The following SHANK2 variants were observed in gnomAD, a reference collection of about 807,000 sequenced individuals.
SHANK2 encodes SH3 and multiple ankyrin repeat domains protein 2.
SHANK2 carries 43 observed loss-of-function variants against 133.7 expected under a neutral mutation model. That is an observed-to-expected ratio of 0.32 (90% CI 0.25 to 0.41). SHANK2 has a LOEUF of 0.41. Ranked by LOEUF, SHANK2 falls within the 10% of genes least tolerant of loss-of-function variation. The pLI is 1.00. For synonymous variants in SHANK2, 1,017 were observed against 952.8 expected (o/e 1.07, Z -1.24); for missense variants, 1,994 against 2,235.8 (o/e 0.89, Z 2.18).
At position 70,568,652 on chromosome 11, in the gene SHANK2, C is replaced by A. The variant is rs1293517037; in HGVS notation, c.2062-65721G>T. The stretch of plus-strand genomic sequence containing the variant: ...ATGTGGGCAGCGGATTCCTGCCCCC[C>A]CCGCCCACTTCCTCCCGGCCGGGAG... On this transcript the variant is annotated intron_variant, in intron 17 of 25. Transcript: ENST00000601538. Among the ~76,000 whole-genome samples the A allele has an allele frequency of 1.6e-5, 2 of 128,542 alleles. 1 individual carries two copies. Among genetic ancestry groups the A allele is most frequent in the Non-Finnish European group, 3.4e-5 (2 of 58,426 alleles). 84.3% of individuals were successfully genotyped at this position (128,542 alleles called of 152,430 possible).
intron 1 of SHANK2, among the ~76,000 whole-genome samples, chr11:71,233,608 G>C (rs1236771642): frequency 1.3e-5 from 2 of 152,152 alleles, no homozygotes; most frequent in Admixed American, 6.5e-5. Flanking sequence ...GTTTTCAAAG[G>C]GTGAATCACA....
At chr11:70,955,340 C>G (rs1351225328) in intron 10 of SHANK2, among the ~76,000 whole-genome samples, 2 of 151,952 alleles carry the variant, frequency 1.3e-5, no homozygotes, top group Admixed American at 1.3e-4. Flanking sequence ...TTTCAGAATG[C>G]AGCTGCTGGG....
rs550359450 is a variant in SHANK2, at chr11:71,091,283, C to A, written c.912+1139G>T. ...ACCCCTACTCATCCCTCGGGAGGAA[C>A]AGGGGCTTCTCCAGGCTGCAGGGCC... On this transcript the variant is annotated intron_variant, in intron 8 of 25. Transcript: ENST00000601538. Among the ~76,000 whole-genome samples, 5 of 152,198 alleles carry A rather than the reference C, an allele frequency of 3.3e-5. No individual in the cohort carries two copies. In the South Asian group the frequency reaches 8.3e-4, roughly 25 times the overall value.
At chr11:70,492,798 T>TG in intron 21 of SHANK2, among the ~76,000 whole-genome samples, 1 of 142,200 alleles carries the variant, frequency 7.0e-6, no homozygotes, top group African/African-American at 2.6e-5. Context: ...TTTTTTTTTT[T>TG]TTTTTTTTTT....
At chr11:70,716,902 C>CA (rs1945940741) in intron 14 of SHANK2, among the ~76,000 whole-genome samples, 1 of 150,276 alleles carries the variant, frequency 6.7e-6, no homozygotes, top group Non-Finnish European at 1.5e-5. Context: ...GGAGCCCCCC[C>CA]CCCGCCCAAC....
Position 71,112,998 on chromosome 11 carries a change from A to G in SHANK2, c.483+295T>C, listed in dbSNP as rs556585755. 1.2e-3 allele frequency among the ~76,000 whole-genome samples: 185 copies of G among 152,344 alleles called. 3 individuals carry two copies. Among genetic ancestry groups the G allele is most frequent in the African/African-American group, 4.3e-3 (179 of 41,578 alleles). On this transcript the variant is annotated intron_variant, in intron 5 of 25. Coordinates refer to ENST00000601538, the MANE Select transcript of SHANK2 (RefSeq NM_012309.5). Reference sequence around the variant, plus strand: ...CTTCCCTCCACCACGCCAGGCGTCCAGATCCCACTCTCTTCAGAGATGCCG... The same window carrying G: ...CTTCCCTCCACCACGCCAGGCGTCCGGATCCCACTCTCTTCAGAGATGCCG...
At chr11:70,862,340 G>A (rs1949272774) in intron 11 of SHANK2, among the ~76,000 whole-genome samples, 1 of 152,214 alleles carries the variant, frequency 6.6e-6, no homozygotes, top group Non-Finnish European at 1.5e-5. Flanking sequence ...TGGAGACTGG[G>A]TTGTAGGTGA....
chr11:70,868,966 G>C (rs1164959269), intron 11 of SHANK2, among the ~76,000 whole-genome samples: 3 of 152,180 alleles, frequency 2.0e-5, no homozygotes, highest in African/African-American at 7.2e-5. Context: ...TCACCCCCAG[G>C]ATATCAGCAT....
chr11:71,237,433 A>G (rs1414139714), intron 1 of SHANK2, among the ~76,000 whole-genome samples: 2 of 152,190 alleles, frequency 1.3e-5, no homozygotes, highest in African/African-American at 4.8e-5. Flanking sequence ...CGCAAGCACG[A>G]CATATTTACT....
In SHANK2 at chr11:71,155,654, C is replaced by G. The variant is rs192902300; in HGVS notation, c.-12-8316G>C. ...CCAGCAGTCTTGCCTAGAAGCTGTC[C>G]CCCAAACCCGCCCTGCCCCATACCC... On this transcript the variant is annotated intron_variant, in intron 2 of 25. Transcript: ENST00000601538. Among the ~76,000 whole-genome samples, 183 of 104,636 alleles carry G rather than the reference C, an allele frequency of 1.7e-3. 1 individual carries two copies. The highest frequency in any genetic ancestry group is 2.2e-3 in the Admixed American group (27 of 12,396). The allele number at this position is 104,636 out of a possible 152,430, so 68.6% of individuals were successfully genotyped here. A position where few individuals can be genotyped will look rare whatever the true frequency, so the allele number is the denominator to read the frequency against.
intron 3 of SHANK2, among the ~76,000 whole-genome samples, chr11:71,119,818 T>C (rs1396835547): frequency 2.0e-5 from 3 of 152,174 alleles, no homozygotes; most frequent in Non-Finnish European, 4.4e-5. Context: ...GCTGCCGTCC[T>C]GGGGAACACA....
chr11:70,796,638 C>A (rs1947921203), intron 14 of SHANK2, among the ~76,000 whole-genome samples: 1 of 152,164 alleles, frequency 6.6e-6, no homozygotes, highest in Admixed American at 6.5e-5. Context: ...GGGTGTGGAC[C>A]AGGGGTGGAC....
intron 11 of SHANK2, among the ~76,000 whole-genome samples, chr11:70,848,245 C>T (rs782297407): frequency 6.6e-6 from 1 of 152,236 alleles, no homozygotes; most frequent in African/African-American, 2.4e-5. Flanking sequence ...ATTTTAAATA[C>T]CAGCAACGAG....
At chr11:71,251,827 G>A (rs1030417647) in intron 1 of SHANK2, among the ~76,000 whole-genome samples, 1 of 151,414 alleles carries the variant, frequency 6.6e-6, no homozygotes, top group Non-Finnish European at 1.5e-5. Context: ...AGCTGCTGCT[G>A]CCGCCGCGCG....
intron 11 of SHANK2, among the ~76,000 whole-genome samples, chr11:70,866,570 A>G (rs1230946124): frequency 1.3e-5 from 2 of 152,204 alleles, no homozygotes; most frequent in South Asian, 2.1e-4. Flanking sequence ...CAGTAACTCT[A>G]GCACCAAGGG....
At chr11:70,508,987 G>A (rs1354099319) in intron 17 of SHANK2, among the ~76,000 whole-genome samples, 1 of 152,224 alleles carries the variant, frequency 6.6e-6, no homozygotes, top group Non-Finnish European at 1.5e-5. Context: ...AGATGCTAAA[G>A]GTTGCCAGGA....
chr11:70,902,858 C>A (rs928223938), intron 10 of SHANK2, among the ~76,000 whole-genome samples: 1 of 152,180 alleles, frequency 6.6e-6, no homozygotes, highest in Admixed American at 6.5e-5. Context: ...CTGCCCTTGG[C>A]ACTCAGAGCC....
intron 10 of SHANK2, among the ~76,000 whole-genome samples, chr11:70,926,145 T>C (rs1354701978): frequency 1.3e-5 from 2 of 151,976 alleles, no homozygotes; most frequent in Non-Finnish European, 2.9e-5. Context: ...TGGTGGTATG[T>C]GTCTGTAGTA....
intron 17 of SHANK2, among the ~76,000 whole-genome samples, chr11:70,640,806 GGA>G (rs1468810533): frequency 2.6e-5 from 4 of 152,230 alleles, no homozygotes; most frequent in African/African-American, 9.6e-5. Context: ...TCTGTAAAAC[GGA>G]GAGTCAGGCA....
Sources: gnomAD v4.1 joint callset for allele counts (sites outside exome capture counted in the v4.1 genomes callset) on GRCh38, gnomAD v4.1.1 for gene constraint, MANE v1.5 for transcripts, NCBI Gene and HGNC (gene_info 2026-07-23, HGNC 2026-07-21) for gene names.